The following IL1RAPL1 variants were observed in gnomAD, a reference collection of about 807,000 sequenced individuals.
IL1RAPL1 encodes interleukin 1 receptor accessory protein like 1.
A neutral mutation model predicts 48.4 loss-of-function variants in IL1RAPL1; 3 were observed. The ratio of observed to expected loss-of-function variants is 0.06; its 90% confidence interval spans 0.03 to 0.16. The LOEUF (loss-of-function observed/expected upper bound fraction) is 0.16. IL1RAPL1 is among the 10% of genes least tolerant of loss of function. The pLI is 1.00. For synonymous variants in IL1RAPL1, 185 were observed against 187.7 expected (o/e 0.99, Z 0.12); for missense variants, 349 against 530.6 (o/e 0.66, Z 3.36).
chrX:28,631,828 T>G (rs961429317), intron 1 of IL1RAPL1, among the ~76,000 whole-genome samples: 6 of 112,332 alleles, frequency 5.3e-5, no homozygotes, highest in Admixed American at 9.4e-5. Flanking sequence ...CTCCTAGCTT[T>G]GTTTAACGTT....
intron 3 of IL1RAPL1, among the ~76,000 whole-genome samples, chrX:29,394,149 A>C (rs368800452): frequency 4.4e-4 from 48 of 109,647 alleles, no homozygotes; most frequent in African/African-American, 1.6e-3. Context: ...TCAGTGTCTT[A>C]AGTATATTTT....
intron 3 of IL1RAPL1, among the ~76,000 whole-genome samples, chrX:29,294,904 T>G (rs1254716744): frequency 9.0e-6 from 1 of 111,036 alleles, no homozygotes. Flanking sequence ...GGTAAAAAAA[T>G]GCTAAGACTT....
At chrX:29,215,193 C>G (rs894162753) in intron 2 of IL1RAPL1, among the ~76,000 whole-genome samples, 2 of 109,422 alleles carry the variant, frequency 1.8e-5, no homozygotes, top group Non-Finnish European at 3.8e-5. Context: ...ACTAAAAATA[C>G]AAAAAAAATT....
At chrX:29,495,815 TATC>T (rs1347194423) in intron 5 of IL1RAPL1, among the ~76,000 whole-genome samples, 1 of 111,368 alleles carries the variant, frequency 9.0e-6, no homozygotes, top group Non-Finnish European at 1.9e-5. Context: ...AAATACATAC[TATC>T]GCTATTGCAC....
At chrX:29,406,237 A>C (rs2147694198) in intron 5 of IL1RAPL1, among the ~76,000 whole-genome samples, 1 of 110,633 alleles carries the variant, frequency 9.0e-6, no homozygotes, top group African/African-American at 3.3e-5. Context: ...AAAATACAAA[A>C]AATTAGCCGG....
Position 29,955,983 on chromosome X carries a change from T to G in IL1RAPL1, c.*163T>G, listed in dbSNP as rs1341730153. 1 of 483,889 alleles carries G rather than the reference T, an allele frequency of 2.1e-6. No individual in the cohort carries two copies. Among genetic ancestry groups the G allele is most frequent in the Non-Finnish European group, 3.7e-6 (1 of 268,750 alleles). 39.9% of individuals were successfully genotyped at this position (483,889 alleles called of 1,213,427 possible). ...ACATATGTTTTTTGGAATTTCTTTGTAGCATCAGTGTCCTCCTGTTTTACC... is the reference window on the plus strand; with the variant it reads ...ACATATGTTTTTTGGAATTTCTTTGGAGCATCAGTGTCCTCCTGTTTTACC... On this transcript the variant is annotated 3_prime_UTR_variant, in exon 11 of 11. Transcript: ENST00000378993.
chrX:29,807,621 C>CAAAAAAAAAAAAAAAAA (rs60391165), intron 6 of IL1RAPL1, among the ~76,000 whole-genome samples: 1 of 26,030 alleles, frequency 3.8e-5, no homozygotes, highest in African/African-American at 1.2e-4. Context: ...TCTCTCAAGA[C>CAAAAAAAAAAAAAAAAA]AAAAAAAAAA....
chrX:29,368,765 G>A (rs1933504355), intron 3 of IL1RAPL1, among the ~76,000 whole-genome samples: 1 of 108,819 alleles, frequency 9.2e-6, no homozygotes, highest in Admixed American at 9.9e-5. Context: ...TGTGTTGAAA[G>A]AGAGAAAACA....
chrX:29,323,226 C>A (rs1302921573), intron 3 of IL1RAPL1, among the ~76,000 whole-genome samples: 1 of 111,573 alleles, frequency 9.0e-6, no homozygotes, highest in Non-Finnish European at 1.9e-5. Flanking sequence ...CTGAGCCAAT[C>A]TTCTCGAGGG....
intron 9 of IL1RAPL1, among the ~76,000 whole-genome samples, chrX:29,948,864 G>A (rs1441633903): frequency 2.8e-5 from 3 of 108,952 alleles, no homozygotes; most frequent in African/African-American, 1.0e-4. Context: ...AAAAAGGAAT[G>A]GCCAGCTGCC....
At chrX:28,899,961 T>G (rs746614495) in intron 2 of IL1RAPL1, among the ~76,000 whole-genome samples, 1 of 112,282 alleles carries the variant, frequency 8.9e-6, no homozygotes, top group Non-Finnish European at 1.9e-5. Flanking sequence ...AGTCAGGAAT[T>G]CTCCAAATGA....
chrX:29,653,435 A>G (rs893142207), intron 5 of IL1RAPL1, among the ~76,000 whole-genome samples: 4 of 111,855 alleles, frequency 3.6e-5, no homozygotes, highest in African/African-American at 9.7e-5. Flanking sequence ...TTTTCCTGCA[A>G]TGCTTGAAAT....
rs747819114 is a variant in IL1RAPL1, at chrX:29,557,684, C to G, written c.704-110746C>G. On this transcript the variant is annotated intron_variant, in intron 5 of 10. Coordinates refer to ENST00000378993, the MANE Select transcript of IL1RAPL1 (RefSeq NM_014271.4). ...TCAACATCTCCCCATTTTCCCTACT[C>G]TCAGCCACTGGTAACCTCCATTCTA... is the stretch of plus-strand genomic sequence containing the variant. 6.6e-4 allele frequency among the ~76,000 whole-genome samples: 74 copies of G among 111,588 alleles called. 1 individual carries two copies. Among genetic ancestry groups the G allele is most frequent in the Non-Finnish European group, 1.2e-3 (64 of 53,001 alleles).
chrX:29,589,311 A>C (rs1177606992), intron 5 of IL1RAPL1, among the ~76,000 whole-genome samples: 1 of 111,675 alleles, frequency 9.0e-6, no homozygotes, highest in Non-Finnish European at 1.9e-5. Flanking sequence ...TCATGCATTC[A>C]ATGTATTCAT....
Position 29,151,071 on chromosome X carries a change from G to C in IL1RAPL1, c.83-131867G>C, listed in dbSNP as rs200730933. ...AGCCTAGGTTATCTCCATTGTATCA[G>C]GCTCCTTCCACCACATCTGGATGTT... On this transcript the variant is annotated intron_variant, in intron 2 of 10. Coordinates refer to ENST00000378993, the MANE Select transcript of IL1RAPL1 (RefSeq NM_014271.4). Among the ~76,000 whole-genome samples, 4 of 111,421 alleles carry C rather than the reference G, an allele frequency of 3.6e-5. No homozygotes were observed. In the East Asian group the frequency reaches 1.1e-3, roughly 32 times the overall value.
At chrX:29,309,927 C>T (rs1173475503) in intron 3 of IL1RAPL1, among the ~76,000 whole-genome samples, 1 of 106,336 alleles carries the variant, frequency 9.4e-6, no homozygotes, top group East Asian at 2.9e-4. Flanking sequence ...AACCCTGTCT[C>T]TACTAAAAAT....
At chrX:29,118,273 T>C (rs1223274413) in intron 2 of IL1RAPL1, among the ~76,000 whole-genome samples, 1 of 112,346 alleles carries the variant, frequency 8.9e-6, no homozygotes, top group African/African-American at 3.2e-5. Context: ...GAAGCTCTGA[T>C]AAAAATGTTT....
chrX:29,473,802 C>G lies in IL1RAPL1; in HGVS notation c.703+74494C>G, dbSNP rs1934946670. Among the ~76,000 whole-genome samples, 4 of 110,697 alleles carry G rather than the reference C, an allele frequency of 3.6e-5. No homozygotes were observed. The South Asian group carries it at 1.1e-3, about 32-fold the overall frequency. ...CATCCATTACATGTCTTTTTTTCAC[C>G]CTGCCTATTTCACCCTGAATGATTT... On this transcript the variant is annotated intron_variant, in intron 5 of 10. Coordinates refer to ENST00000378993, the MANE Select transcript of IL1RAPL1 (RefSeq NM_014271.4).
intron 5 of IL1RAPL1, among the ~76,000 whole-genome samples, chrX:29,488,625 A>G (rs749909580): frequency 2.7e-5 from 3 of 110,512 alleles, no homozygotes; most frequent in Non-Finnish European, 5.7e-5. Flanking sequence ...TGGTGCATAT[A>G]TAACTATGAG....
Sources: gnomAD v4.1 joint callset for allele counts (sites outside exome capture counted in the v4.1 genomes callset) on GRCh38, gnomAD v4.1.1 for gene constraint, MANE v1.5 for transcripts, NCBI Gene and HGNC (gene_info 2026-07-23, HGNC 2026-07-21) for gene names.